Variants in ELP4 observed in about 807,000 individuals in gnomAD.
The protein encoded by ELP4 is elongator complex protein 4.
Under a neutral mutation model 48.9 loss-of-function variants are expected in ELP4, and 51 were observed. The ratio of observed to expected loss-of-function variants is 1.04; its 90% CI spans 0.83 to 1.32. The LOEUF is 1.32. ELP4 is among the 40% of genes most tolerant of loss of function. The pLI is 0.00. For missense variants in ELP4, 519 were observed against 514.6 expected, an observed-to-expected ratio of 1.01 and a Z score of -0.08; for synonymous variants, 210 against 189.2, an observed-to-expected ratio of 1.11 and a Z score of -0.90.
At chr11:31,714,211 G>A (rs961542473) in intron 9 of ELP4, among the ~76,000 whole-genome samples, 4 of 152,132 alleles carry the variant, frequency 2.6e-5, no homozygotes, top group South Asian at 2.1e-4. Flanking sequence ...TTTTAGGCAT[G>A]ATAATAATAG....
intron 9 of ELP4, among the ~76,000 whole-genome samples, chr11:31,711,888 AAATAAGTATC>A (rs1419237131): frequency 1.3e-5 from 2 of 152,156 alleles, no homozygotes; most frequent in East Asian, 1.9e-4. Context: ...CAGCTGATGA[AAATAAGTATC>A]AATAACCTAA....
intron 5 of ELP4, among the ~76,000 whole-genome samples, chr11:31,605,562 A>G (rs1179681998): frequency 6.6e-6 from 1 of 152,148 alleles, no homozygotes; most frequent in Non-Finnish European, 1.5e-5. Context: ...GCTTAGGAAA[A>G]TAAATGTAAA....
intron 3 of ELP4, among the ~76,000 whole-genome samples, chr11:31,553,298 C>G (rs1956879883): frequency 6.6e-6 from 1 of 152,100 alleles, no homozygotes; most frequent in African/African-American, 2.4e-5. Context: ...AAATATTATT[C>G]TAGGTGTTCC....
intron 3 of ELP4, among the ~76,000 whole-genome samples, chr11:31,592,582 A>G (rs1389267350): frequency 6.7e-6 from 1 of 149,968 alleles, no homozygotes; most frequent in Non-Finnish European, 1.5e-5. Context: ...AACCTTATAT[A>G]TGTATATGTA....
chr11:31,619,541 G>A (rs1008937494), intron 5 of ELP4, among the ~76,000 whole-genome samples: 4 of 151,846 alleles, frequency 2.6e-5, no homozygotes, highest in Non-Finnish European at 4.4e-5. Context: ...GTAACCTCGG[G>A]CATGGCAGAA....
chr11:31,610,439 T>C (rs1957957309), intron 5 of ELP4, among the ~76,000 whole-genome samples: 1 of 152,196 alleles, frequency 6.6e-6, no homozygotes, highest in Non-Finnish European at 1.5e-5. Flanking sequence ...ATGCTGAGGT[T>C]TGGGTTTCTG....
At position 31,651,452 on chromosome 11, in the gene ELP4, C is replaced by T. The variant is rs1398981971; in HGVS notation, c.1143+1231C>T. 3 of 151,746 alleles carry T rather than the reference C, an allele frequency of 2.0e-5. No individual in the cohort carries two copies. In the East Asian group the frequency reaches 5.8e-4, roughly 29 times the overall value. The allele number at this position is 151,746 out of a possible 1,614,324, so 9.4% of individuals were successfully genotyped here. A position where few individuals can be genotyped will look rare whatever the true frequency, so the allele number is the denominator to read the frequency against. On this transcript the variant is annotated intron_variant, in intron 9 of 9. Transcript: ENST00000640961. ...CTGGGGACACTCCCTTCAAAAGCCA[C>T]TTAAAGCCAAAAGAGTGAGAGTGTG... is the stretch of plus-strand genomic sequence containing the variant.
At chr11:31,571,457 A>G (rs576491887) in intron 3 of ELP4, among the ~76,000 whole-genome samples, 1 of 152,278 alleles carries the variant, frequency 6.6e-6, no homozygotes, top group South Asian at 2.1e-4. Context: ...AGAGTCTTGA[A>G]TTCCATGAGG....
chr11:31,686,230 C>A (rs1444376038), intron 9 of ELP4, among the ~76,000 whole-genome samples: 1 of 151,734 alleles, frequency 6.6e-6, no homozygotes, highest in Non-Finnish European at 1.5e-5. Flanking sequence ...CTAATCAATA[C>A]CAAGAAACTC....
At chr11:31,533,517 A>G (rs1592089999) in intron 2 of ELP4, among the ~76,000 whole-genome samples, 1 of 151,194 alleles carries the variant, frequency 6.6e-6, no homozygotes, top group South Asian at 2.1e-4. Context: ...AGCTGGGACT[A>G]CATGCGCCGG....
At chr11:31,742,187 G>C (rs1252097446) in intron 9 of ELP4, among the ~76,000 whole-genome samples, 2 of 152,118 alleles carry the variant, frequency 1.3e-5, no homozygotes, top group Non-Finnish European at 2.9e-5. Context: ...GAGAAGAAAA[G>C]TTTAGAGAAA....
intron 9 of ELP4, among the ~76,000 whole-genome samples, chr11:31,767,018 T>A (rs900675429): frequency 6.6e-6 from 1 of 152,230 alleles, no homozygotes; most frequent in Non-Finnish European, 1.5e-5. Context: ...AATCATGCTT[T>A]CTTTTGCTCT....
chr11:31,630,675 A>C (rs1210014961), intron 6 of ELP4, among the ~76,000 whole-genome samples: 1 of 152,074 alleles, frequency 6.6e-6, no homozygotes, highest in Non-Finnish European at 1.5e-5. Context: ...TGCAGTATCT[A>C]ACACCTGTAA....
chr11:31,662,034 G>A (rs1230367913), intron 9 of ELP4, among the ~76,000 whole-genome samples: 1 of 151,938 alleles, frequency 6.6e-6, no homozygotes, highest in Non-Finnish European at 1.5e-5. Flanking sequence ...TTCCAATCTG[G>A]TTCTTCAGTT....
chr11:31,617,352 A>G (rs1944512653), intron 5 of ELP4, among the ~76,000 whole-genome samples: 1 of 152,150 alleles, frequency 6.6e-6, no homozygotes, highest in African/African-American at 2.4e-5. Flanking sequence ...GATTCTACTC[A>G]TATGAGATAT....
intron 9 of ELP4, among the ~76,000 whole-genome samples, chr11:31,766,786 C>T (rs967384074): frequency 6.6e-6 from 1 of 151,890 alleles, no homozygotes; most frequent in Non-Finnish European, 1.5e-5. Flanking sequence ...TTGTAATATA[C>T]TCTGTAATTT....
rs1477973960 is a variant in ELP4 at position 31,788,617 on chromosome 11, C to A, written c.*5093C>A. On this transcript the variant is annotated 3_prime_UTR_variant, in exon 10 of 10. Transcript: ENST00000640961. ...AAAATGCCAGTCCTAATTCAAAAAA[C>A]AATTCCTAGCTAATCGCTTGTTGCA... 4.5e-6 allele frequency: 1 copy of A among 220,282 alleles called. No homozygotes were observed. The highest frequency in any genetic ancestry group is 2.2e-5 in the African/African-American group (1 of 44,622). The allele number at this position is 220,282 out of a possible 1,614,324, so 13.6% of individuals were successfully genotyped here. A position where few individuals can be genotyped will look rare whatever the true frequency, so the allele number is the denominator to read the frequency against.
intron 9 of ELP4, among the ~76,000 whole-genome samples, chr11:31,731,739 G>T (rs1005830315): frequency 2.0e-5 from 3 of 152,048 alleles, no homozygotes; most frequent in African/African-American, 7.2e-5. Flanking sequence ...TGAATCCAAT[G>T]AAGTCAACAC....
intron 9 of ELP4, among the ~76,000 whole-genome samples, chr11:31,718,663 T>C (rs750078215): frequency 6.6e-6 from 1 of 152,224 alleles, no homozygotes; most frequent in Non-Finnish European, 1.5e-5. Flanking sequence ...CACCTGTGTG[T>C]AGCCTTTGCA....
Sources: allele counts gnomAD v4.1 joint callset (sites outside exome capture counted in the v4.1 genomes callset), GRCh38; gene constraint gnomAD v4.1.1; transcripts MANE v1.5; gene names NCBI Gene and HGNC (gene_info 2026-07-23, HGNC 2026-07-21).